The following TAFA5 variants were observed in gnomAD, a reference collection of about 807,000 sequenced individuals.
TAFA5 encodes chemokine-like protein TAFA-5.
Under a neutral mutation model 15.3 loss-of-function variants are expected in TAFA5, and 6 were observed. The observed-to-expected ratio is 0.39, with a 90% CI of 0.21 to 0.77. The LOEUF is 0.77. TAFA5 is among the 30% of genes least tolerant of loss of function. TAFA5 has a pLI of 0.41. For missense variants in TAFA5, 161 were observed against 193.1 expected (o/e 0.83, Z 0.98); for synonymous variants, 103 against 80.7 (o/e 1.28, Z -1.48).
intron 1 of TAFA5, among the ~76,000 whole-genome samples, chr22:48,590,911 G>A (rs1924544029): frequency 6.6e-6 from 1 of 151,744 alleles, no homozygotes; most frequent in African/African-American, 2.4e-5. Flanking sequence ...GAGTGCAAAG[G>A]CATGATCTTG....
At chr22:48,642,923 G>T (rs918691604) in intron 1 of TAFA5, among the ~76,000 whole-genome samples, 1 of 152,176 alleles carries the variant, frequency 6.6e-6, no homozygotes, top group Admixed American at 6.5e-5. Context: ...ACACACCCTG[G>T]CTCTTGGCTG....
chr22:48,692,833 C>G (rs1272324684), intron 2 of TAFA5, among the ~76,000 whole-genome samples: 1 of 152,232 alleles, frequency 6.6e-6, no homozygotes, highest in Non-Finnish European at 1.5e-5. Flanking sequence ...CCTCAGTCAC[C>G]GACCTCAGGC....
At chr22:48,584,036 C>T (rs1189147758) in intron 1 of TAFA5, among the ~76,000 whole-genome samples, 2 of 149,310 alleles carry the variant, frequency 1.3e-5, no homozygotes, top group Non-Finnish European at 1.5e-5. Flanking sequence ...ACACACCACA[C>T]ACAAAATACA....
In TAFA5 at chr22:48,682,094, C is replaced by G. The variant is rs1330340575; in HGVS notation, c.263-25623C>G. 1.3e-5 allele frequency among the ~76,000 whole-genome samples: 2 copies of G among 152,010 alleles called. 1 individual carries two copies. The highest frequency in any genetic ancestry group is 2.9e-5 in the Non-Finnish European group (2 of 67,976). On this transcript the variant is annotated intron_variant, in intron 2 of 3. Transcript: ENST00000402357. ...GTGGAGCACAGTGGGTGTTTGATGA[C>G]AAATCACAACTTCTGCACCCCTGTG...
intron 3 of TAFA5, among the ~76,000 whole-genome samples, chr22:48,739,390 A>G (rs1258876176): frequency 6.6e-6 from 1 of 152,204 alleles, no homozygotes; most frequent in Non-Finnish European, 1.5e-5. Flanking sequence ...GCGAAAGAAT[A>G]CACGCCTTCC....
intron 1 of TAFA5, chr22:48,545,402 G>T: frequency 5.2e-6 from 1 of 192,582 alleles, no homozygotes. Context: ...ACACCCATGA[G>T]GGCAGCAACC....
chr22:48,584,914 C>A (rs1243783399), intron 1 of TAFA5, among the ~76,000 whole-genome samples: 1 of 146,462 alleles, frequency 6.8e-6, no homozygotes, highest in Non-Finnish European at 1.5e-5. Context: ...ACACACACAC[C>A]ACACACACAC....
At position 48,530,469 on chromosome 22, in the gene TAFA5, C is replaced by A. The variant is rs1921935105; in HGVS notation, c.112+40765C>A. On this transcript the variant is annotated intron_variant, in intron 1 of 3. Transcript: ENST00000402357. The surrounding 1 kb of genome is among the most constrained non-coding windows in gnomAD (Gnocchi z 6.0). Reference sequence around the variant, plus strand: ...CTTGGCTGACCACTGGATACTCTGGCCAGGGACCTTGGGATGGTTCAGGGG... The same window carrying A: ...CTTGGCTGACCACTGGATACTCTGGACAGGGACCTTGGGATGGTTCAGGGG... 6.6e-6 allele frequency among the ~76,000 whole-genome samples: 1 copy of A among 152,158 alleles called. No individual in the cohort carries two copies. Among genetic ancestry groups the A allele is most frequent in the Non-Finnish European group, 1.5e-5 (1 of 68,026 alleles).
intron 3 of TAFA5, among the ~76,000 whole-genome samples, chr22:48,718,510 G>T (rs555404772): frequency 6.6e-6 from 1 of 152,076 alleles, no homozygotes; most frequent in African/African-American, 2.4e-5. Context: ...CCATCCTCCC[G>T]TGCGACCTGT....
At chr22:48,738,352 G>T (rs1435530193) in intron 3 of TAFA5, among the ~76,000 whole-genome samples, 1 of 152,154 alleles carries the variant, frequency 6.6e-6, no homozygotes, top group Non-Finnish European at 1.5e-5. Context: ...CCACATGGGG[G>T]CCCCCAGGTC....
intron 1 of TAFA5, among the ~76,000 whole-genome samples, chr22:48,633,435 G>C (rs34766367): frequency 6.6e-6 from 1 of 151,958 alleles, no homozygotes; most frequent in African/African-American, 2.4e-5. Flanking sequence ...CACCACCCAC[G>C]TGCAGGGGCT....
chr22:48,717,923 G>C (rs1210938866), intron 3 of TAFA5, among the ~76,000 whole-genome samples: 1 of 152,244 alleles, frequency 6.6e-6, no homozygotes, highest in African/African-American at 2.4e-5. Flanking sequence ...TAAGGCCCCA[G>C]GCTGGGCAGG....
intron 2 of TAFA5, among the ~76,000 whole-genome samples, chr22:48,678,070 G>T (rs1928032398): frequency 6.6e-6 from 1 of 152,142 alleles, no homozygotes; most frequent in Non-Finnish European, 1.5e-5. Flanking sequence ...GATGTCAGCA[G>T]CTCCCTGACT....
Position 48,742,512 on chromosome 22 carries a change from C to T in TAFA5, c.391-7327C>T, listed in dbSNP as rs1046308113. 1.3e-5 allele frequency among the ~76,000 whole-genome samples: 2 copies of T among 151,972 alleles called. No individual in the cohort carries two copies. The highest frequency in any genetic ancestry group is 2.9e-5 in the Non-Finnish European group (2 of 67,992). On this transcript the variant is annotated intron_variant, in intron 3 of 3. Transcript: ENST00000402357. The surrounding 1 kb of genome is among the most constrained non-coding windows in gnomAD (Gnocchi z 6.2). Reference sequence around the variant, plus strand: ...GCGGGCGTTGTGGTGGACCCGGTGGCGTGGCAGACCAGGCGACGTGGTGGA... The same window carrying T: ...GCGGGCGTTGTGGTGGACCCGGTGGTGTGGCAGACCAGGCGACGTGGTGGA...
intron 3 of TAFA5, among the ~76,000 whole-genome samples, chr22:48,717,096 G>C (rs182158329): frequency 6.6e-6 from 1 of 152,192 alleles, no homozygotes; most frequent in African/African-American, 2.4e-5. Context: ...GAATACAGTC[G>C]CATCCTAAAG....
intron 2 of TAFA5, among the ~76,000 whole-genome samples, chr22:48,681,305 C>T (rs964423796): frequency 2.0e-5 from 3 of 152,098 alleles, no homozygotes; most frequent in Admixed American, 6.5e-5. Context: ...AGGACACGCA[C>T]AGCTCAGCAG....
At chr22:48,717,908 G>A (rs947405731) in intron 3 of TAFA5, among the ~76,000 whole-genome samples, 4 of 152,242 alleles carry the variant, frequency 2.6e-5, no homozygotes, top group South Asian at 2.1e-4. Context: ...GTCACCAGAA[G>A]TGAATAAGGC....
chr22:48,542,252 GTGTA>G (rs1373341334), intron 1 of TAFA5, among the ~76,000 whole-genome samples: 8 of 144,338 alleles, frequency 5.5e-5, no homozygotes, highest in African/African-American at 1.3e-4. Flanking sequence ...GCATATGTGT[GTGTA>G]TGTGTGTGTG....
chr22:48,521,156 A>G (rs529638108), intron 1 of TAFA5, among the ~76,000 whole-genome samples: 1 of 152,284 alleles, frequency 6.6e-6, no homozygotes, highest in African/African-American at 2.4e-5. Flanking sequence ...GGCCCATTTC[A>G]TCAGTTATTG....
Sources: allele counts gnomAD v4.1 joint callset (sites outside exome capture counted in the v4.1 genomes callset), GRCh38; gene constraint gnomAD v4.1.1; non-coding constraint Gnocchi (gnomAD v3.1); transcripts MANE v1.5; gene names NCBI Gene and HGNC (gene_info 2026-07-23, HGNC 2026-07-21).